ARF1: variants seen among roughly 807,000 people sequenced by gnomAD.
The protein encoded by ARF1 is ADP-ribosylation factor 1.
ARF1 carries 1 observed loss-of-function variant against 18.0 expected under a neutral mutation model. That is an observed-to-expected ratio of 0.06 (90% CI 0.02 to 0.26). The LOEUF (loss-of-function observed/expected upper bound fraction) is 0.26, where lower values mean the gene tolerates loss of function less well. ARF1 is among the 10% of genes least tolerant of loss of function. The probability of loss-of-function intolerance (pLI) is 1.00; values close to 1 mark genes in which losing one functional copy is unlikely to be tolerated. For missense variants in ARF1, 73 were observed against 247.2 expected, an observed-to-expected ratio of 0.30 and a Z score of 4.73; for synonymous variants, 112 against 96.3, an observed-to-expected ratio of 1.16 and a Z score of -0.95.
chr1:228,093,624 TAAAAAA>T (rs11420776), intron 1 of ARF1, among the ~76,000 whole-genome samples: 2 of 138,802 alleles, frequency 1.4e-5, no homozygotes, highest in African/African-American at 5.4e-5. Context: ...TTTGGTCTGT[TAAAAAA>T]AAAAAAAAAA....
At position 228,098,018 on chromosome 1, in the gene ARF1, G is replaced by GACCCCCCTCCCTCTCACTCCTC; in HGVS notation, c.*6_*27dup. 6.2e-7 allele frequency: 1 copy of GACCCCCCTCCCTCTCACTCCTC among 1,608,426 alleles called. No homozygotes were observed. The highest frequency in any genetic ancestry group is 8.5e-7 in the Non-Finnish European group (1 of 1,176,030). Reference sequence around the variant, plus strand: ...CAGCTCCGGAACCAGAAGTGAACGCGACCCCCCTCCCTCTCACTCCTCTTG... The same window carrying GACCCCCCTCCCTCTCACTCCTC: ...CAGCTCCGGAACCAGAAGTGAACGCGACCCCCCTCCCTCTCACTCCTCACCCCCCTCCCTCTCACTCCTCTTG... On this transcript the variant is annotated 3_prime_UTR_variant, in exon 5 of 5. Coordinates refer to ENST00000272102, the MANE Select transcript of ARF1 (RefSeq NM_001658.4).
intron 1 of ARF1, among the ~76,000 whole-genome samples, chr1:228,094,808 G>A (rs566091714): frequency 6.6e-5 from 10 of 152,272 alleles, no homozygotes; most frequent in South Asian, 2.1e-4. Flanking sequence ...AAAGGGTTTC[G>A]AAAGCAGTGT....
intron 1 of ARF1, among the ~76,000 whole-genome samples, chr1:228,093,788 C>T (rs1036848542): frequency 2.0e-5 from 3 of 151,726 alleles, no homozygotes; most frequent in Admixed American, 6.6e-5. Flanking sequence ...ATTAGCTCAG[C>T]GTGGTGGCAC....
At chr1:228,092,708 G>A (rs928744307) in intron 1 of ARF1, among the ~76,000 whole-genome samples, 40 of 152,290 alleles carry the variant, frequency 2.6e-4, no homozygotes, top group African/African-American at 9.4e-4. Context: ...CCTGACTCAT[G>A]CCAAAGTATC....
chr1:228,097,285 G>GTGGGT lies in ARF1; in HGVS notation c.148+27_148+28insTTGGG, dbSNP rs2032780406. 2 of 1,609,410 alleles carry GTGGGT rather than the reference G, an allele frequency of 1.2e-6. No homozygotes were observed. Among genetic ancestry groups the GTGGGT allele is most frequent in the East Asian group, 2.2e-5 (1 of 44,792 alleles). On this transcript the variant is annotated intron_variant, in intron 2 of 4. Transcript: ENST00000272102. This position sits in a 1 kb window ranked among gnomAD's most constrained non-coding sequence, Gnocchi z 8.1. ...TAGGTGAGGTGGGGGCCAGCAGGGA[G>GTGGGT]TGGGCTGGGCTGGGCTGGGCCAAGG...
chr1:228,098,025 CT>C lies in ARF1; in HGVS notation c.*13del. On this transcript the variant is annotated 3_prime_UTR_variant, in exon 5 of 5. Coordinates refer to ENST00000272102, the MANE Select transcript of ARF1 (RefSeq NM_001658.4). ...GGAACCAGAAGTGAACGCGACCCCC[CT>C]CCCTCTCACTCCTCTTGCCCTCTGC... The C allele has an allele frequency of 6.2e-7, 1 of 1,603,044 alleles. No individual in the cohort carries two copies. The highest frequency in any genetic ancestry group is 8.5e-7 in the Non-Finnish European group (1 of 1,172,498).
chr1:228,090,765 A>G (rs1267773984), intron 1 of ARF1: 2 of 152,316 alleles, frequency 1.3e-5, no homozygotes, highest in African/African-American at 2.4e-5. Context: ...GCCAGGAAAC[A>G]GGGGTTTTAT....
chr1:228,088,295 CAG>C (rs1292119588), intron 1 of ARF1: 2 of 152,478 alleles, frequency 1.3e-5, no homozygotes, highest in Non-Finnish European at 2.9e-5. Flanking sequence ...CGCTGGCTGG[CAG>C]AGTTTGGAGA....
chr1:228,091,053 G>A (rs2032561799), intron 1 of ARF1: 1 of 152,236 alleles, frequency 6.6e-6, no homozygotes, highest in African/African-American at 2.4e-5. Context: ...CAAGAAGCAA[G>A]AAATACACAA....
chr1:228,085,969 C>G (rs1393272983), intron 1 of ARF1, among the ~76,000 whole-genome samples: 1 of 152,164 alleles, frequency 6.6e-6, no homozygotes, highest in South Asian at 2.1e-4. Context: ...ATGGGCAGCC[C>G]CTACGAAACT....
At chr1:228,093,606 C>CT (rs1362840653) in intron 1 of ARF1, among the ~76,000 whole-genome samples, 1 of 142,646 alleles carries the variant, frequency 7.0e-6, no homozygotes, top group Non-Finnish European at 1.5e-5. Context: ...TTTGGGGACT[C>CT]TTAACGCTTT....
chr1:228,096,374 G>A (rs533473581), intron 1 of ARF1: 4 of 151,530 alleles, frequency 2.6e-5, no homozygotes, highest in South Asian at 2.1e-4. Flanking sequence ...GTCCCTGTTC[G>A]GGATAAAATC....
Position 228,098,171 on chromosome 1 carries a change from G to A in ARF1, c.*158G>A. On this transcript the variant is annotated 3_prime_UTR_variant, in exon 5 of 5. Transcript: ENST00000272102. ...TGTGGCAGACGCAGCCTGCGGCCAG[G>A]CTTTTTATTTAATGTAAATAGTTTT... The A allele has an allele frequency of 1.2e-6, 1 of 838,938 alleles. No homozygotes were observed. Among genetic ancestry groups the A allele is most frequent in the Non-Finnish European group, 1.7e-6 (1 of 573,612 alleles). The allele number at this position is 838,938 out of a possible 1,614,324, so 52.0% of individuals were successfully genotyped here. A position where few individuals can be genotyped will look rare whatever the true frequency, so the allele number is the denominator to read the frequency against.
At chr1:228,087,895 G>A (rs771510025) in intron 1 of ARF1, among the ~76,000 whole-genome samples, 1 of 152,132 alleles carries the variant, frequency 6.6e-6, no homozygotes, top group African/African-American at 2.4e-5. Flanking sequence ...TAGGTTTTTC[G>A]TGACGAACTT....
At chr1:228,094,587 AG>A (rs1195596677) in intron 1 of ARF1, among the ~76,000 whole-genome samples, 1 of 151,806 alleles carries the variant, frequency 6.6e-6, no homozygotes, top group Non-Finnish European at 1.5e-5. Flanking sequence ...CTCCAGTCTG[AG>A]GGGGTTGGCT....
chr1:228,090,141 C>T (rs537109123), intron 1 of ARF1, among the ~76,000 whole-genome samples: 35 of 152,362 alleles, frequency 2.3e-4, no homozygotes, highest in African/African-American at 7.9e-4. Context: ...TGGTGCTGTG[C>T]CATCGCACAG....
rs2032254653 is a variant in ARF1, at chr1:228,082,838, G to T, written c.-38+73G>T. On this transcript the variant is annotated intron_variant, in intron 1 of 4. Coordinates refer to ENST00000272102, the MANE Select transcript of ARF1 (RefSeq NM_001658.4). The surrounding 1 kb of genome is among the most constrained non-coding windows in gnomAD (Gnocchi z 6.1). ...CCGGCGGGGGCTGGGGACTGGCCTC[G>T]GGGCGACTTGAGGTTCGCGAAGGGC... 1 of 152,636 alleles carries T rather than the reference G, an allele frequency of 6.6e-6. No homozygotes were observed. Among genetic ancestry groups the T allele is most frequent in the South Asian group, 2.0e-4 (1 of 5,080 alleles). The allele number at this position is 152,636 out of a possible 1,614,324, so 9.5% of individuals were successfully genotyped here. A position where few individuals can be genotyped will look rare whatever the true frequency, so the allele number is the denominator to read the frequency against.
chr1:228,093,082 A>G (rs1018060262), intron 1 of ARF1, among the ~76,000 whole-genome samples: 5 of 152,164 alleles, frequency 3.3e-5, no homozygotes, highest in African/African-American at 9.7e-5. Flanking sequence ...GGCTCCTGGC[A>G]TCCTCCTGCT....
At chr1:228,087,207 G>A (rs1000405693) in intron 1 of ARF1, among the ~76,000 whole-genome samples, 9 of 152,286 alleles carry the variant, frequency 5.9e-5, no homozygotes, top group African/African-American at 2.2e-4. Context: ...TTCCATTTGT[G>A]TCATACAGCA....
Sources: allele counts gnomAD v4.1 joint callset (sites outside exome capture counted in the v4.1 genomes callset), GRCh38; gene constraint gnomAD v4.1.1; non-coding constraint Gnocchi (gnomAD v3.1); transcripts MANE v1.5; gene names NCBI Gene and HGNC (gene_info 2026-07-23, HGNC 2026-07-21).